Variants in RCL1 observed in about 807,000 individuals in gnomAD.
RCL1 encodes RNA terminal phosphate cyclase like 1, also known as RNA 3'-terminal phosphate cyclase-like protein.
A neutral mutation model predicts 42.4 loss-of-function variants in RCL1; 24 were observed. The ratio of observed to expected loss-of-function variants is 0.57; its 90% confidence interval spans 0.41 to 0.80. RCL1 has a LOEUF of 0.80. Ranked by LOEUF, RCL1 falls within the 30% of genes least tolerant of loss-of-function variation. The pLI is 0.00. For synonymous variants in RCL1, 228 were observed against 177.3 expected, an observed-to-expected ratio of 1.29 and a Z score of -2.27; for missense variants, 578 against 467.9, an observed-to-expected ratio of 1.24 and a Z score of -2.17.
intron 2 of RCL1, among the ~76,000 whole-genome samples, chr9:4,824,792 TACTC>T (rs1448995464): frequency 2.0e-5 from 3 of 152,246 alleles, no homozygotes; most frequent in African/African-American, 7.2e-5. Flanking sequence ...GGGAATGAGA[TACTC>T]ACATGTCTTT....
At position 4,844,546 on chromosome 9, in the gene RCL1, A is replaced by C. The variant is rs768781834; in HGVS notation, c.732A>C (p.Ser244=). Residue 244 remains serine, a synonymous_variant, in exon 7 of 9, where the codon TCA becomes TCC. Transcript: ENST00000381750. ...NSGKSPGFGL[S]LVAETTSGTF... is the part of the protein sequence containing the mutation. ...CCAGGTCTCCGGGCTTTGGGTTGTC[A>C]CTGGTTGCTGAGACCACCAGTGGCA... 5.6e-6 allele frequency: 9 copies of C among 1,612,766 alleles called. No individual in the cohort carries two copies. Among genetic ancestry groups the C allele is most frequent in the Non-Finnish European group, 7.6e-6 (9 of 1,179,448 alleles).
intron 1 of RCL1, among the ~76,000 whole-genome samples, chr9:4,800,912 C>T (rs1842989933): frequency 6.6e-6 from 1 of 152,132 alleles, no homozygotes; most frequent in African/African-American, 2.4e-5. Context: ...GCTCGGCCTC[C>T]CAGAGTGCTG....
At chr9:4,812,497 C>G (rs906389659) in intron 1 of RCL1, among the ~76,000 whole-genome samples, 2 of 152,138 alleles carry the variant, frequency 1.3e-5, no homozygotes, top group Admixed American at 6.6e-5. Context: ...CTCCTGGGCT[C>G]AAACGATCCT....
At chr9:4,822,952 C>G (rs574252106) in intron 1 of RCL1, among the ~76,000 whole-genome samples, 1 of 151,954 alleles carries the variant, frequency 6.6e-6, no homozygotes, top group Non-Finnish European at 1.5e-5. Flanking sequence ...GGCAGTAATA[C>G]TGTACATTCA....
chr9:4,824,824 T>G (rs1047119822), intron 2 of RCL1, among the ~76,000 whole-genome samples: 5 of 152,234 alleles, frequency 3.3e-5, no homozygotes, highest in South Asian at 2.1e-4. Flanking sequence ...TATGAGTCCC[T>G]TAATTTCCTT....
In RCL1 at chr9:4,844,600, C is replaced by A; in HGVS notation, c.786C>A (p.Asn262Lys). 1.9e-6 allele frequency: 3 copies of A among 1,613,982 alleles called. No homozygotes were observed. The highest frequency in any genetic ancestry group is 1.7e-6 in the Non-Finnish European group (2 of 1,179,934). The change falls in exon 7 of 9, where the codon AAC (asparagine) becomes AAA (lysine). Residue 262 changes from asparagine to lysine, a missense_variant. Asn to Lys is a moderately conservative substitution (Grantham distance 94). Transcript: ENST00000381750. The stretch of plus-strand genomic sequence containing the variant: ...TCCTCAGTGCTGAACTGGCCTCCAA[C>A]CCCCAGGGCCAGGGAGCAGCAGTAC... The part of the protein sequence containing the change: ...GTFLSAELAS[N>K]PQGQGAAVLP...
chr9:4,813,372 G>A (rs900545921), intron 1 of RCL1, among the ~76,000 whole-genome samples: 1 of 152,134 alleles, frequency 6.6e-6, no homozygotes, highest in Admixed American at 6.5e-5. Context: ...CAAAAAGTGG[G>A]CAAAGGATAT....
At position 4,834,141 on chromosome 9, in the gene RCL1, A is replaced by G. The variant is rs1297282273; in HGVS notation, c.460A>G (p.Ile154Val). Residue 154 changes from isoleucine to valine, a missense_variant and splice_region_variant, in exon 5 of 9, where the codon ATT (isoleucine) becomes GTT (valine). Coordinates refer to ENST00000381750, the MANE Select transcript of RCL1 (RefSeq NM_005772.5). ...CTCATCTTTCTCACTCTCTGTGTAG[A>G]TTGTGCGACGGGGAATGCCTCCCGG... ...GIDGESFELKIVRRGMPPGGG... is the reference protein window; with the variant it reads ...GIDGESFELKVVRRGMPPGGG... 6.2e-7 allele frequency: 1 copy of G among 1,612,534 alleles called. No individual in the cohort carries two copies. Among genetic ancestry groups the G allele is most frequent in the Non-Finnish European group, 8.5e-7 (1 of 1,179,160 alleles).
Position 4,833,226 on chromosome 9 carries a change from A to G in RCL1, c.457A>G (p.Lys153Glu). The G allele has an allele frequency of 6.2e-7, 1 of 1,609,286 alleles. No homozygotes were observed. The highest frequency in any genetic ancestry group is 8.5e-7 in the Non-Finnish European group (1 of 1,175,560). Residue 153 changes from lysine (K) to glutamate (E), a missense_variant and splice_region_variant, in exon 4 of 9, where the codon AAG (lysine) becomes GAG (glutamate). Transcript: ENST00000381750. ...FGIDGESFEL[K>E]IVRRGMPPGG... is the part of the protein sequence containing the mutation. ...GATTGATGGTGAATCATTTGAACTG[A>G]AGGTAAGAATGTTTGAACTGTTGAC... is the stretch of plus-strand genomic sequence containing the variant.
At chr9:4,836,000 A>C (rs896825129) in intron 5 of RCL1, among the ~76,000 whole-genome samples, 1 of 152,114 alleles carries the variant, frequency 6.6e-6, no homozygotes, top group African/African-American at 2.4e-5. Context: ...ATGAGTTTTC[A>C]GTTGTTACCG....
At chr9:4,850,499 T>TTTC (rs1307772511) in intron 8 of RCL1, 3 of 230,552 alleles carry the variant, frequency 1.3e-5, no homozygotes, top group African/African-American at 6.8e-5. Context: ...TTTTCTTTTT[T>TTTC]TTTTTTTTTT....
At position 4,844,506 on chromosome 9, in the gene RCL1, T is replaced by G; in HGVS notation, c.711-19T>G. ...CACTTGGTTAAACCTACTCAGTGTTTGTGCCTTTGTATCTCCAGGTCTCCG... is the reference window on the plus strand; with the variant it reads ...CACTTGGTTAAACCTACTCAGTGTTGGTGCCTTTGTATCTCCAGGTCTCCG... On this transcript the variant is annotated intron_variant, in intron 6 of 8. Transcript: ENST00000381750. 1 of 1,598,144 alleles carries G rather than the reference T, an allele frequency of 6.3e-7. No homozygotes were observed. Among genetic ancestry groups the G allele is most frequent in the Non-Finnish European group, 8.5e-7 (1 of 1,171,098 alleles).
intron 1 of RCL1, among the ~76,000 whole-genome samples, chr9:4,799,979 C>T (rs1037320592): frequency 6.6e-6 from 1 of 152,106 alleles, no homozygotes; most frequent in African/African-American, 2.4e-5. Context: ...TGTGATTAGC[C>T]TGAGGTTATC....
chr9:4,798,017 T>C (rs1413739953), intron 1 of RCL1, among the ~76,000 whole-genome samples: 1 of 152,262 alleles, frequency 6.6e-6, no homozygotes, highest in Non-Finnish European at 1.5e-5. Context: ...ATATTTTTTC[T>C]TGTTGCTGCT....
chr9:4,856,877 G>A (rs10758658), intron 8 of RCL1, among the ~76,000 whole-genome samples: 24,491 of 152,144 alleles, frequency 0.16, 2,763 homozygotes, highest in East Asian at 0.54. Flanking sequence ...CAGCCACAGG[G>A]TCAGGAATTG....
intron 8 of RCL1, among the ~76,000 whole-genome samples, chr9:4,859,249 A>G (rs1818075739): frequency 6.6e-6 from 1 of 152,122 alleles, no homozygotes; most frequent in South Asian, 2.1e-4. Context: ...TGTTGTGTTT[A>G]CTGTGCACAC....
intron 7 of RCL1, among the ~76,000 whole-genome samples, chr9:4,846,530 G>T (rs140447320): frequency 6.6e-6 from 1 of 152,094 alleles, no homozygotes; most frequent in Non-Finnish European, 1.5e-5. Flanking sequence ...TGCCCTGCCA[G>T]TTACTTAATT....
intron 7 of RCL1, among the ~76,000 whole-genome samples, chr9:4,845,978 A>G (rs1405121333): frequency 6.6e-6 from 1 of 152,208 alleles, no homozygotes; most frequent in Non-Finnish European, 1.5e-5. Flanking sequence ...AAATCAGTAA[A>G]ACAGGTAAAG....
At chr9:4,795,541 C>T (rs939147743) in intron 1 of RCL1, among the ~76,000 whole-genome samples, 2 of 152,170 alleles carry the variant, frequency 1.3e-5, no homozygotes, top group South Asian at 4.1e-4. Context: ...TGGTCATAAT[C>T]AAGGGAGTCC....
Sources: allele counts gnomAD v4.1 joint callset (sites outside exome capture counted in the v4.1 genomes callset), GRCh38; gene constraint gnomAD v4.1.1; transcripts MANE v1.5; gene names NCBI Gene and HGNC (gene_info 2026-07-23, HGNC 2026-07-21).